The following EVC variants were observed in gnomAD, a reference collection of about 807,000 sequenced individuals.
The protein encoded by EVC is evC complex member EVC.
A neutral mutation model predicts 118.9 loss-of-function variants in EVC; 116 were observed. The ratio of observed to expected loss-of-function variants is 0.98; its 90% CI spans 0.84 to 1.14. EVC has a LOEUF of 1.14. Among genes scored for constraint, EVC ranks in the 50% most tolerant of loss-of-function variants. The pLI is 0.00. For synonymous variants in EVC, 619 were observed against 534.7 expected (o/e 1.16, Z -2.18); for missense variants, 1,401 against 1,246.4 (o/e 1.12, Z -1.87).
chr4:5,811,380 C>T lies in EVC; in HGVS notation c.*343C>T. 2.9e-6 allele frequency: 1 copy of T among 348,372 alleles called. No individual in the cohort carries two copies. Among genetic ancestry groups the T allele is most frequent in the Non-Finnish European group, 5.5e-6 (1 of 183,254 alleles). The allele number at this position is 348,372 out of a possible 1,614,324, so 21.6% of individuals were successfully genotyped here. On this transcript the variant is annotated 3_prime_UTR_variant, in exon 21 of 21. Transcript: ENST00000264956. ...ACCCCTGATGCAGACTCTGGAATCC[C>T]TGGCCCAAAGGCCTGTCTGGGCCCA...
At chr4:5,768,884 C>G (rs1441960759) in intron 11 of EVC, among the ~76,000 whole-genome samples, 1 of 151,994 alleles carries the variant, frequency 6.6e-6, no homozygotes, top group African/African-American at 2.4e-5. Context: ...TCTCATTCAT[C>G]ATCATTCACC....
intron 2 of EVC, among the ~76,000 whole-genome samples, chr4:5,720,111 G>A (rs1437086861): frequency 2.0e-5 from 3 of 152,150 alleles, no homozygotes; most frequent in Admixed American, 6.5e-5. Context: ...GGTGAGCCCC[G>A]TGGGTGGAGA....
intron 8 of EVC, among the ~76,000 whole-genome samples, chr4:5,748,521 C>T (rs1729728723): frequency 8.5e-6 from 1 of 118,316 alleles, no homozygotes; most frequent in African/African-American, 3.8e-5. Flanking sequence ...CCCTTCCATC[C>T]ATCCATCCAT....
Position 5,789,803 on chromosome 4 carries a change from C to T in EVC, c.1777-3805C>T. Among the ~76,000 whole-genome samples, 1 of 152,188 alleles carries T rather than the reference C, an allele frequency of 6.6e-6. No homozygotes were observed. The highest frequency in any genetic ancestry group is 2.1e-4 in the South Asian group (1 of 4,828). On this transcript the variant is annotated intron_variant, in intron 12 of 20. Coordinates refer to ENST00000264956, the MANE Select transcript of EVC (RefSeq NM_153717.3). This position sits in a 1 kb window ranked among gnomAD's most constrained non-coding sequence, Gnocchi z 4.3. ...TTGACCTTATCGATCATCATCGAATCCTGTTGCTAGTTTAAGCTGCATTCT... is the reference window on the plus strand; with the variant it reads ...TTGACCTTATCGATCATCATCGAATTCTGTTGCTAGTTTAAGCTGCATTCT...
intron 2 of EVC, among the ~76,000 whole-genome samples, chr4:5,720,004 G>A (rs1335755208): frequency 6.6e-6 from 1 of 152,090 alleles, no homozygotes; most frequent in Non-Finnish European, 1.5e-5. Flanking sequence ...AATCTCTGGG[G>A]GTGGGGGTGC....
Position 5,765,571 on chromosome 4 carries a change from A to G in EVC, c.1563+9209A>G, listed in dbSNP as rs1299912205. 2.3e-5 allele frequency among the ~76,000 whole-genome samples: 3 copies of G among 131,930 alleles called. 1 individual carries two copies. Among genetic ancestry groups the G allele is most frequent in the Admixed American group, 1.5e-4 (2 of 13,764 alleles). 86.6% of individuals were successfully genotyped at this position (131,930 alleles called of 152,430 possible). A position where few individuals can be genotyped will look rare whatever the true frequency, so the allele number is the denominator to read the frequency against. On this transcript the variant is annotated intron_variant, in intron 11 of 20. Transcript: ENST00000264956. The stretch of plus-strand genomic sequence containing the variant: ...TTGGAGGTTACTCAGGACTTGCTTT[A>G]TGAATCTGGGTGCTCCTGTATTGGG...
chr4:5,785,582 C>A (rs1736299165), intron 12 of EVC, among the ~76,000 whole-genome samples: 1 of 152,216 alleles, frequency 6.6e-6, no homozygotes, highest in African/African-American at 2.4e-5. Flanking sequence ...AGACCTCCTT[C>A]TAGTTCATTC....
intron 7 of EVC, 97 bp downstream of exon 7, chr4:5,745,438 A>ACTTGAATTCC (rs1729228200): frequency 7.5e-7 from 1 of 1,328,102 alleles, no homozygotes; most frequent in Non-Finnish European, 1.1e-6. Context: ...TGTGCCTAAT[A>ACTTGAATTCC]CTTGAATTCC....
chr4:5,751,736 A>AGTAG (rs1478381006), intron 8 of EVC, among the ~76,000 whole-genome samples: 2 of 152,194 alleles, frequency 1.3e-5, no homozygotes, highest in Non-Finnish European at 2.9e-5. Flanking sequence ...TGGAGAACAG[A>AGTAG]GTAGGGGACC....
intron 14 of EVC, chr4:5,797,533 G>C (rs2152342023): frequency 2.0e-6 from 1 of 511,668 alleles, no homozygotes; most frequent in South Asian, 2.1e-5. Context: ...GTGTCCTCCA[G>C]GTCCTTCCTC....
Position 5,783,750 on chromosome 4 carries a change from G to C in EVC, c.1762G>C (p.Glu588Gln). The change falls in exon 12 of 21, where the codon GAG becomes CAG. Residue 588 changes from glutamate (E) to glutamine (Q), a missense_variant. Glu to Gln is a conservative substitution (Grantham distance 29). Coordinates refer to ENST00000264956, the MANE Select transcript of EVC (RefSeq NM_153717.3). Reference protein sequence around the residue: ...QQWKLFQELLEQDQQVWMEEC... With the variant: ...QQWKLFQELLQQDQQVWMEEC... Reference sequence around the variant, plus strand: ...GTGGAAACTCTTCCAGGAGCTCCTAGAGCAAGACCAGCAGGTGCGGGCATT... The same window carrying C: ...GTGGAAACTCTTCCAGGAGCTCCTACAGCAAGACCAGCAGGTGCGGGCATT... 1 of 1,612,256 alleles carries C rather than the reference G, an allele frequency of 6.2e-7. No homozygotes were observed. The highest frequency in any genetic ancestry group is 1.1e-5 in the South Asian group (1 of 90,834).
At chr4:5,744,488 C>G (rs2152022133) in intron 6 of EVC, among the ~76,000 whole-genome samples, 1 of 152,244 alleles carries the variant, frequency 6.6e-6, no homozygotes, top group South Asian at 2.1e-4. Flanking sequence ...CTTTTCCTTC[C>G]TGAGTTCAGA....
chr4:5,811,308 T>C lies in EVC; in HGVS notation c.*271T>C. ...CCTGGCTCGATGCCTCATGGATCTT[T>C]CTCCCCAAGGAGGGACGTCTTGAGG... is the stretch of plus-strand genomic sequence containing the variant. On this transcript the variant is annotated 3_prime_UTR_variant, in exon 21 of 21. Transcript: ENST00000264956. 1 of 440,672 alleles carries C rather than the reference T, an allele frequency of 2.3e-6. No homozygotes were observed. The highest frequency in any genetic ancestry group is 2.2e-5 in the South Asian group (1 of 45,746). The allele number at this position is 440,672 out of a possible 1,614,324, so 27.3% of individuals were successfully genotyped here.
intron 5 of EVC, among the ~76,000 whole-genome samples, chr4:5,740,692 C>T (rs1429631892): frequency 1.3e-5 from 2 of 152,190 alleles, no homozygotes; most frequent in East Asian, 1.9e-4. Context: ...AACAGATGTC[C>T]ACCAAAGGAC....
At position 5,738,723 on chromosome 4, in the gene EVC, C is replaced by T. The variant is rs186293617; in HGVS notation, c.703-2993C>T. 2.0e-3 allele frequency among the ~76,000 whole-genome samples: 308 copies of T among 152,108 alleles called. 1 individual carries two copies. Among genetic ancestry groups the T allele is most frequent in the African/African-American group, 6.8e-3 (284 of 41,498 alleles). On this transcript the variant is annotated intron_variant, in intron 5 of 20. Transcript: ENST00000264956. The surrounding 1 kb of genome is among the most constrained non-coding windows in gnomAD (Gnocchi z 6.5). ...CTGGGACCACAGGCGCGCACCACCT[C>T]GCCCAGACAATTTTTGCATTTTTAG...
intron 15 of EVC, among the ~76,000 whole-genome samples, chr4:5,800,173 C>T (rs1714711285): frequency 1.3e-5 from 2 of 152,036 alleles, no homozygotes; most frequent in Admixed American, 6.6e-5. Context: ...AGTGAAACCC[C>T]GTCTCTACTA....
In EVC at chr4:5,753,852, A is replaced by G. The variant is rs202205463; in HGVS notation, c.1383A>G (p.Lys461=). Residue 461 remains lysine (K), a synonymous_variant, in exon 10 of 21, where the codon AAA becomes AAG. Transcript: ENST00000264956. The part of the protein sequence containing the change: ...SLAHQVEGTA[K]LTLAQEEEQR... ...CTCACCAGGTGGAGGGAACGGCAAA[A>G]CTCACGCTGGCCCAAGAGGAGGAAC... The G allele has an allele frequency of 6.2e-7, 1 of 1,613,848 alleles. No individual in the cohort carries two copies. Among genetic ancestry groups the G allele is most frequent in the East Asian group, 2.2e-5 (1 of 44,850 alleles).
chr4:5,796,993 A>T (rs770077336), intron 13 of EVC, 29 bp from the exon 14 acceptor site: 1 of 1,546,790 alleles, frequency 6.5e-7, no homozygotes, highest in South Asian at 1.1e-5. Flanking sequence ...AAGAGCATTG[A>T]CCCCACCCCT....
intron 5 of EVC, among the ~76,000 whole-genome samples, chr4:5,736,200 G>A (rs1241123145): frequency 6.6e-6 from 1 of 152,100 alleles, no homozygotes; most frequent in East Asian, 1.9e-4. Flanking sequence ...AGCACTAGGG[G>A]GTTCTCATGG....
Sources: allele counts gnomAD v4.1 joint callset (sites outside exome capture counted in the v4.1 genomes callset), GRCh38; gene constraint gnomAD v4.1.1; non-coding constraint Gnocchi (gnomAD v3.1); transcripts MANE v1.5; gene names NCBI Gene and HGNC (gene_info 2026-07-23, HGNC 2026-07-21).